ARSH: variants seen among roughly 807,000 people sequenced by gnomAD.
ARSH encodes arylsulfatase family member H, also known as arylsulfatase H.
Under a neutral mutation model 28.7 loss-of-function variants are expected in ARSH, and 32 were observed. That is an observed-to-expected ratio of 1.11 (90% CI 0.84 to 1.50). The LOEUF is 1.50. Ranked by LOEUF, ARSH falls within the 40% of genes most tolerant of loss-of-function variation. ARSH has a pLI of 0.00. For synonymous variants in ARSH, 176 were observed against 177.3 expected, an observed-to-expected ratio of 0.99 and a Z score of 0.06; for missense variants, 440 against 452.4, an observed-to-expected ratio of 0.97 and a Z score of 0.25.
intron 7 of ARSH, 98 bp from the exon 8 acceptor site, chrX:3,029,149 T>TTCC (rs369931549): frequency 0.084 from 75,055 of 889,038 alleles, 2,726 homozygotes; most frequent in African/African-American, 0.26. Context: ...CCCCTTCCTT[T>TTCC]TCCTCCTCCT....
At chrX:3,012,599 A>ATATATAT (rs59852136) in intron 2 of ARSH, among the ~76,000 whole-genome samples, 2 of 29,516 alleles carry the variant, frequency 6.8e-5, no homozygotes, top group African/African-American at 3.1e-4. Context: ...ATATATATAT[A>ATATATAT]ATATATATAT....
intron 4 of ARSH, among the ~76,000 whole-genome samples, chrX:3,016,003 A>ATTT (rs776644529): frequency 1.0e-5 from 1 of 99,193 alleles, no homozygotes; most frequent in Non-Finnish European, 2.1e-5. Context: ...TAATGTTTTA[A>ATTT]TTTTTTTTTT....
At chrX:3,025,431 CAT>C (rs761619517) in intron 6 of ARSH, among the ~76,000 whole-genome samples, 20 of 105,071 alleles carry the variant, frequency 1.9e-4, no homozygotes, top group African/African-American at 6.5e-4. Flanking sequence ...TCTATAGTCA[CAT>C]ATTAATTATA....
rs763809288 is a variant in ARSH, at chrX:3,029,395, G to C, written c.1321+27G>C. On this transcript the variant is annotated intron_variant, in intron 8 of 8. Coordinates refer to ENST00000381130, the MANE Select transcript of ARSH (RefSeq NM_001011719.2). ...TAAGTATGAAGGCTGTGGACACGTG[G>C]AAAGACGATAAGGGCCCGGTTCCGG... is the stretch of plus-strand genomic sequence containing the variant. 5 of 1,195,060 alleles carry C rather than the reference G, an allele frequency of 4.2e-6. No individual in the cohort carries two copies. The South Asian group carries it at 9.3e-5, about 22-fold the overall frequency.
At chrX:3,030,300 C>G (rs2089910477) in intron 8 of ARSH, among the ~76,000 whole-genome samples, 1 of 111,169 alleles carries the variant, frequency 9.0e-6, no homozygotes, top group Non-Finnish European at 1.9e-5. Flanking sequence ...TTTGGAGCAA[C>G]AGAGACTGCC....
intron 1 of ARSH, among the ~76,000 whole-genome samples, chrX:3,008,430 A>G (rs2089835014): frequency 9.1e-6 from 1 of 109,706 alleles, no homozygotes; most frequent in South Asian, 3.9e-4. Flanking sequence ...ATTGAAAGGC[A>G]TTGGTCTTCT....
intron 5 of ARSH, among the ~76,000 whole-genome samples, chrX:3,020,809 G>A (rs1205762499): frequency 9.1e-6 from 1 of 110,243 alleles, no homozygotes; most frequent in East Asian, 2.8e-4. Context: ...TGTGGGATGT[G>A]TATGTGTGTG....
At chrX:3,012,599 A>AAT (rs1555914144) in intron 2 of ARSH, among the ~76,000 whole-genome samples, 1 of 29,516 alleles carries the variant, frequency 3.4e-5, no homozygotes, top group Non-Finnish European at 5.3e-5. Flanking sequence ...ATATATATAT[A>AAT]ATATATATAT....
At chrX:3,027,991 T>C (rs1400518290) in intron 7 of ARSH, among the ~76,000 whole-genome samples, 3 of 109,824 alleles carry the variant, frequency 2.7e-5, no homozygotes, top group African/African-American at 9.9e-5. Context: ...TAATCCCAGC[T>C]ACCTGGGAGG....
chrX:3,029,795 T>G (rs1435553482), intron 8 of ARSH, among the ~76,000 whole-genome samples: 1 of 111,542 alleles, frequency 9.0e-6, no homozygotes, highest in African/African-American at 3.3e-5. Context: ...CCTCCCAAAG[T>G]GCTGGGATTA....
intron 8 of ARSH, among the ~76,000 whole-genome samples, chrX:3,030,457 C>T (rs551158429): frequency 9.0e-6 from 1 of 111,378 alleles, no homozygotes; most frequent in Non-Finnish European, 1.9e-5. Context: ...AGTCCATTCT[C>T]ACGTTGCTAA....
chrX:3,014,996 G>T lies in ARSH; in HGVS notation c.367G>T (p.Ala123Ser). 8.3e-7 allele frequency: 1 copy of T among 1,210,827 alleles called. No homozygotes were observed. Among genetic ancestry groups the T allele is most frequent in the Non-Finnish European group, 1.1e-6 (1 of 895,050 alleles). Residue 123 changes from alanine (A) to serine (S), a missense_variant, in exon 4 of 9, where the codon GCC becomes TCC. By Grantham distance (99) the Ala-to-Ser change is moderately conservative. Coordinates refer to ENST00000381130, the MANE Select transcript of ARSH (RefSeq NM_001011719.2). ...IGKWHLGLSC[A>S]SRNDHCYHPL... ...CAAATGGCACCTGGGTTTGAGCTGC[G>T]CCTCTCGGAATGATCACTGTTACCA...
chrX:3,012,579 ATATAT>A (rs2089851748), intron 2 of ARSH, among the ~76,000 whole-genome samples: 1 of 20,121 alleles, frequency 5.0e-5, no homozygotes, highest in South Asian at 3.7e-3. Flanking sequence ...ATATATATAT[ATATAT>A]ATATATATAT....
chrX:3,023,449 AAT>A (rs760636428), intron 5 of ARSH, among the ~76,000 whole-genome samples: 82 of 106,424 alleles, frequency 7.7e-4, no homozygotes, highest in Middle Eastern at 0.015. Flanking sequence ...ATAATAAAAT[AAT>A]AGTTACATGT....
chrX:3,032,263 G>A (rs755385736), intron 8 of ARSH, among the ~76,000 whole-genome samples: 11 of 110,050 alleles, frequency 1.0e-4, no homozygotes, highest in Non-Finnish European at 2.1e-4. Flanking sequence ...CAGCCTGGGC[G>A]ACAGAGTGAG....
At chrX:3,026,500 T>A (rs948656070) in intron 6 of ARSH, among the ~76,000 whole-genome samples, 2 of 111,435 alleles carry the variant, frequency 1.8e-5, no homozygotes, top group African/African-American at 6.5e-5. Flanking sequence ...AATGAAAATT[T>A]CACATAGGAA....
intron 6 of ARSH, among the ~76,000 whole-genome samples, chrX:3,027,074 C>T (rs1210438706): frequency 9.0e-6 from 1 of 110,864 alleles, no homozygotes; most frequent in East Asian, 2.8e-4. Context: ...TCTCCTGCCT[C>T]AGCCTCCCAC....
In ARSH at chrX:3,029,954, G is replaced by A. The variant is rs1202386789; in HGVS notation, c.1321+586G>A. Among the ~76,000 whole-genome samples the A allele has an allele frequency of 1.1e-4, 12 of 111,909 alleles. No individual in the cohort carries two copies. In the Admixed American group the frequency reaches 1.1e-3, roughly 11 times the overall value. On this transcript the variant is annotated intron_variant, in intron 8 of 8. Coordinates refer to ENST00000381130, the MANE Select transcript of ARSH (RefSeq NM_001011719.2). ...TTACTATGTGGCCCAGGCTGGTCTC[G>A]AACTGCTGAGCTCAAGTGATCCTCT... is the stretch of plus-strand genomic sequence containing the variant.
Position 3,014,999 on chromosome X carries a change from T to C in ARSH, c.370T>C (p.Ser124Pro). The C allele has an allele frequency of 8.3e-7, 1 of 1,211,259 alleles. No homozygotes were observed. Among genetic ancestry groups the C allele is most frequent in the Non-Finnish European group, 1.1e-6 (1 of 895,279 alleles). The change falls in exon 4 of 9, where the codon TCT becomes CCT. Residue 124 changes from serine (S) to proline (P), a missense_variant. By Grantham distance (74) the Ser-to-Pro change is moderately conservative. Coordinates refer to ENST00000381130, the MANE Select transcript of ARSH (RefSeq NM_001011719.2). ...GKWHLGLSCA[S>P]RNDHCYHPLN... is the part of the protein sequence containing the mutation. The stretch of plus-strand genomic sequence containing the variant: ...ATGGCACCTGGGTTTGAGCTGCGCC[T>C]CTCGGAATGATCACTGTTACCACCC...
Sources: allele counts gnomAD v4.1 joint callset (sites outside exome capture counted in the v4.1 genomes callset), GRCh38; gene constraint gnomAD v4.1.1; transcripts MANE v1.5; gene names NCBI Gene and HGNC (gene_info 2026-07-23, HGNC 2026-07-21).